The following USH1C variants were observed in gnomAD, a reference collection of about 807,000 sequenced individuals.
The protein encoded by USH1C is USH1 protein network component harmonin.
USH1C carries 90 observed loss-of-function variants against 119.3 expected under a neutral mutation model. The ratio of observed to expected loss-of-function variants is 0.75; its 90% confidence interval spans 0.64 to 0.90. The LOEUF (loss-of-function observed/expected upper bound fraction) is 0.90. USH1C is among the 40% of genes least tolerant of loss of function. The pLI, the probability that USH1C is intolerant of heterozygous loss-of-function variation, is 0.00. For synonymous variants in USH1C, 465 were observed against 443.3 expected (o/e 1.05, Z -0.62); for missense variants, 1,165 against 1,167.7 (o/e 1.00, Z 0.03).
At chr11:17,507,145 C>T (rs777150466) in intron 18 of USH1C, among the ~76,000 whole-genome samples, 7 of 152,110 alleles carry the variant, frequency 4.6e-5, no homozygotes, top group Non-Finnish European at 8.8e-5. Flanking sequence ...GGCGTGTGGT[C>T]ACTCACACTT....
At chr11:17,537,723 T>G (rs1230875283) in intron 1 of USH1C, among the ~76,000 whole-genome samples, 4 of 152,212 alleles carry the variant, frequency 2.6e-5, no homozygotes, top group South Asian at 4.1e-4. Flanking sequence ...TGGAGCCTCC[T>G]CACCTGCCTC....
intron 23 of USH1C, among the ~76,000 whole-genome samples, 190 bp from the exon 24 acceptor site, chr11:17,498,461 T>A (rs574729532): frequency 1.3e-5 from 2 of 152,266 alleles, no homozygotes; most frequent in South Asian, 4.2e-4. Context: ...GGGCATTTAG[T>A]CCCTGTCCCT....
intron 15 of USH1C, among the ~76,000 whole-genome samples, chr11:17,515,050 C>CAT (rs1850078682): frequency 7.7e-6 from 1 of 130,176 alleles, no homozygotes; most frequent in African/African-American, 2.6e-5. Flanking sequence ...CCTATGTGTG[C>CAT]ATGTGTGTGT....
chr11:17,505,994 G>A, intron 18 of USH1C, 45 bp from the exon 19 acceptor site: 1 of 1,613,758 alleles, frequency 6.2e-7, no homozygotes, highest in Non-Finnish European at 8.5e-7. Context: ...TCATGGTGGG[G>A]TGGCCAAGGC....
In USH1C at chr11:17,522,815, T is replaced by C. The variant is rs767460132; in HGVS notation, c.988A>G (p.Ile330Val). The part of the protein sequence containing the change: ...QKRLAMESNK[I>V]LQEQQEMERQ... ...TCCATCTCCTGCTGCTCCTGGAGGA[T>C]CTTGTTGGACTCCATCGCCAGCCGC... The change falls in exon 12 of 27, where the codon ATC becomes GTC. Residue 330 changes from isoleucine (I) to valine (V), a missense_variant. Physicochemically the swap from Ile to Val is conservative, Grantham distance 29. Coordinates refer to ENST00000005226, the MANE Select transcript of USH1C (RefSeq NM_153676.4). 7.4e-6 allele frequency: 12 copies of C among 1,613,814 alleles called. No homozygotes were observed. The African/African-American group carries it at 1.1e-4, about 14-fold the overall frequency.
At position 17,494,135 on chromosome 11, in the gene USH1C, C is replaced by T; in HGVS notation, c.*197G>A. The T allele has an allele frequency of 1.5e-6, 1 of 647,600 alleles. No homozygotes were observed. The highest frequency in any genetic ancestry group is 2.8e-6 in the Non-Finnish European group (1 of 363,540). 40.1% of individuals were successfully genotyped at this position (647,600 alleles called of 1,614,324 possible). A position where few individuals can be genotyped will look rare whatever the true frequency, so the allele number is the denominator to read the frequency against. On this transcript the variant is annotated 3_prime_UTR_variant, in exon 27 of 27. Coordinates refer to ENST00000005226, the MANE Select transcript of USH1C (RefSeq NM_153676.4). ...CTTCTCCCAAATGGCTGGCTGCTCCCTTTCCTCCACGTTGGCCTTCAGAAG... is the reference window on the plus strand; with the variant it reads ...CTTCTCCCAAATGGCTGGCTGCTCCTTTTCCTCCACGTTGGCCTTCAGAAG...
intron 15 of USH1C, 93 bp from the exon 16 acceptor site, chr11:17,512,147 A>C: frequency 1.4e-6 from 2 of 1,408,554 alleles, no homozygotes; most frequent in Non-Finnish European, 2.0e-6. Context: ...TAACACAACC[A>C]TCCCATGGTG....
At chr11:17,521,453 G>C in intron 12 of USH1C, 42 bp from the exon 13 acceptor site, 1 of 1,592,668 alleles carries the variant, frequency 6.3e-7, no homozygotes. Flanking sequence ...CCCTATGCAA[G>C]AGAAATGAAC....
At chr11:17,526,697 A>G in intron 7 of USH1C, 56 bp downstream of exon 7, 1 of 1,574,636 alleles carries the variant, frequency 6.4e-7, no homozygotes, top group Non-Finnish European at 8.7e-7. Context: ...AGGACCGGCC[A>G]CCCCTCCTTG....
chr11:17,512,909 C>T, intron 15 of USH1C, among the ~76,000 whole-genome samples: 1 of 152,110 alleles, frequency 6.6e-6, no homozygotes, highest in Non-Finnish European at 1.5e-5. Flanking sequence ...AGGAATTAGA[C>T]CCACCGAGCC....
intron 14 of USH1C, chr11:17,516,705 G>A (rs910128492): frequency 9.3e-5 from 29 of 310,918 alleles, no homozygotes; most frequent in African/African-American, 4.3e-4. Flanking sequence ...AAAATGGCTC[G>A]AGACAAAAGG....
At position 17,494,263 on chromosome 11, in the gene USH1C, T is replaced by A; in HGVS notation, c.*69A>T. ...TCCCAAGGATGCCATCTGGTGTGTGTAGTGTGGCCTCTCTCAAGGCTGATC... is the reference window on the plus strand; with the variant it reads ...TCCCAAGGATGCCATCTGGTGTGTGAAGTGTGGCCTCTCTCAAGGCTGATC... On this transcript the variant is annotated 3_prime_UTR_variant, in exon 27 of 27. Coordinates refer to ENST00000005226, the MANE Select transcript of USH1C (RefSeq NM_153676.4). 6.5e-7 allele frequency: 1 copy of A among 1,533,852 alleles called. No individual in the cohort carries two copies.
intron 14 of USH1C, 169 bp from the exon 15 acceptor site, chr11:17,516,459 C>T: frequency 1.4e-6 from 1 of 723,374 alleles, no homozygotes; most frequent in South Asian, 1.5e-5. Flanking sequence ...GCTTACCTGG[C>T]CTTGCCTTGG....
At chr11:17,537,513 G>A (rs1851277393) in intron 1 of USH1C, among the ~76,000 whole-genome samples, 1 of 152,176 alleles carries the variant, frequency 6.6e-6, no homozygotes, top group Non-Finnish European at 1.5e-5. Context: ...TTTCTGACCT[G>A]TTGGCCCAGG....
In USH1C at chr11:17,501,354, GA is replaced by G. The variant is rs781501839; in HGVS notation, c.2280+127del. 1,472 of 1,188,316 alleles carry G rather than the reference GA, an allele frequency of 1.2e-3. 3 individuals carry two copies. Among genetic ancestry groups the G allele is most frequent in the Non-Finnish European group, 1.6e-3 (1,292 of 819,714 alleles). 73.6% of individuals were successfully genotyped at this position (1,188,316 alleles called of 1,614,324 possible). On this transcript the variant is annotated intron_variant, in intron 22 of 26. Coordinates refer to ENST00000005226, the MANE Select transcript of USH1C (RefSeq NM_153676.4). ...ACAACAGAGGGGCGTCTCCGTGGGA[GA>G]GGGGAGGACAGTGGGGACCTGAGAG... is the stretch of plus-strand genomic sequence containing the variant.
chr11:17,539,014 T>G (rs1246018873), intron 1 of USH1C, among the ~76,000 whole-genome samples: 1 of 152,128 alleles, frequency 6.6e-6, no homozygotes, highest in Non-Finnish European at 1.5e-5. Context: ...TCATAAAGCT[T>G]TCTTGGCTTC....
At chr11:17,533,359 C>A in intron 1 of USH1C, 37 bp from the exon 2 acceptor site, 4 of 1,431,518 alleles carry the variant, frequency 2.8e-6, no homozygotes, top group African/African-American at 1.6e-5. Flanking sequence ...GCTCCAGGCT[C>A]AGCACCCGCC....
At chr11:17,499,255 T>C (rs542201941) in intron 23 of USH1C, among the ~76,000 whole-genome samples, 82 of 152,202 alleles carry the variant, frequency 5.4e-4, no homozygotes, top group Non-Finnish European at 9.0e-4. Flanking sequence ...CCTTGTGGCA[T>C]GAAGGCCCAT....
rs1221670905 is a variant in USH1C, at chr11:17,524,476, G to A, written c.734C>T (p.Ser245Phe). The change falls in exon 9 of 27, where the codon TCC becomes TTC. Residue 245 changes from serine to phenylalanine, a missense_variant. Coordinates refer to ENST00000005226, the MANE Select transcript of USH1C (RefSeq NM_153676.4). ...CTCCAATCCCACCTCAGCAGACAGG[G>A]AGCCAGGTTTCACATGGCTGATAAA... ...GIFISHVKPG[S>F]LSAEVGLEIG... The A allele has an allele frequency of 3.2e-6, 5 of 1,574,976 alleles. No homozygotes were observed. Among genetic ancestry groups the A allele is most frequent in the East Asian group, 2.3e-5 (1 of 42,610 alleles).
Sources: allele counts gnomAD v4.1 joint callset (sites outside exome capture counted in the v4.1 genomes callset), GRCh38; gene constraint gnomAD v4.1.1; transcripts MANE v1.5; gene names NCBI Gene and HGNC (gene_info 2026-07-23, HGNC 2026-07-21).